The following MEGF9 variants were observed in gnomAD, a reference collection of about 807,000 sequenced individuals.
MEGF9 encodes multiple EGF like domains 9, also known as multiple epidermal growth factor-like domains protein 9.
MEGF9 carries 6 observed loss-of-function variants against 46.8 expected under a neutral mutation model. The observed-to-expected ratio is 0.13, with a 90% CI of 0.07 to 0.25. The LOEUF (loss-of-function observed/expected upper bound fraction) is 0.25. Ranked by LOEUF, MEGF9 falls within the 10% of genes least tolerant of loss-of-function variation. The pLI, the probability that MEGF9 is intolerant of heterozygous loss-of-function variation, is 1.00. For synonymous variants in MEGF9, 302 were observed against 330.7 expected (o/e 0.91, Z 0.94); for missense variants, 683 against 792.4 (o/e 0.86, Z 1.66).
Position 120,612,415 on chromosome 9 carries a change from A to G in MEGF9, c.1068T>C (p.Ser356=), listed in dbSNP as rs2043451753. ...CCTTACTTATAGAGCAGCTGCCTGTAGATGTCACTGCTGAACAAGGGCAGC... is the reference window on the plus strand; with the variant it reads ...CCTTACTTATAGAGCAGCTGCCTGTGGATGTCACTGCTGAACAAGGGCAGC... The part of the protein sequence containing the change: ...CLRCPCSAVT[S]TGSCSIKSSE... The change falls in exon 4 of 6, where the codon TCT becomes TCC. Residue 356 remains serine, a synonymous_variant. Coordinates refer to ENST00000373930, the MANE Select transcript of MEGF9 (RefSeq NM_001080497.3). The G allele has an allele frequency of 6.2e-7, 1 of 1,612,628 alleles. No homozygotes were observed. Among genetic ancestry groups the G allele is most frequent in the Non-Finnish European group, 8.5e-7 (1 of 1,179,384 alleles).
Position 120,605,380 on chromosome 9 carries a change from T to C in MEGF9, c.1619A>G (p.Glu540Gly). 1 of 1,614,026 alleles carries C rather than the reference T, an allele frequency of 6.2e-7. No individual in the cohort carries two copies. Among genetic ancestry groups the C allele is most frequent in the Non-Finnish European group, 8.5e-7 (1 of 1,179,894 alleles). The change falls in exon 6 of 6, where the codon GAG (glutamate) becomes GGG (glycine). Residue 540 changes from glutamate (E) to glycine (G), a missense_variant. Around this residue, in one of 2 missense-constraint regions of MEGF9, gnomAD observed 313 missense variants for 421.1 expected, o/e 0.74. Coordinates refer to ENST00000373930, the MANE Select transcript of MEGF9 (RefSeq NM_001080497.3). The surrounding 1 kb of genome is among the most constrained non-coding windows in gnomAD (Gnocchi z 4.0). ...GGCATTGAGTTTCCGGTTTTGGTAC[T>C]CGCGGTACATATATACAGCCCCCAC... ...GFVGAVYMYREYQNRKLNAPF... is the reference protein window; with the variant it reads ...GFVGAVYMYRGYQNRKLNAPF...
intron 2 of MEGF9, among the ~76,000 whole-genome samples, chr9:120,638,811 C>T (rs2043590013): frequency 6.6e-6 from 1 of 152,052 alleles, no homozygotes; most frequent in Non-Finnish European, 1.5e-5. Flanking sequence ...AGGAATCTGC[C>T]CAAGTATTTT....
At chr9:120,680,977 C>A (rs992624600) in intron 1 of MEGF9, among the ~76,000 whole-genome samples, 1 of 152,066 alleles carries the variant, frequency 6.6e-6, no homozygotes, top group East Asian at 1.9e-4. Context: ...AGAGCCTAGG[C>A]CTAGGCTCCC....
At chr9:120,679,352 T>C (rs1385419948) in intron 1 of MEGF9, among the ~76,000 whole-genome samples, 3 of 151,940 alleles carry the variant, frequency 2.0e-5, no homozygotes, top group Non-Finnish European at 4.4e-5. Flanking sequence ...GAAACCATCA[T>C]TCTGAGCAAA....
At chr9:120,625,833 C>CAAA (rs763605820) in intron 2 of MEGF9, among the ~76,000 whole-genome samples, 142 of 113,066 alleles carry the variant, frequency 1.3e-3, no homozygotes, top group African/African-American at 3.8e-3. Flanking sequence ...CTCTGTCTCA[C>CAAA]AAAAAAAAAA....
At chr9:120,713,522 G>A (rs1001525547) in intron 1 of MEGF9, among the ~76,000 whole-genome samples, 2 of 152,142 alleles carry the variant, frequency 1.3e-5, no homozygotes, top group Non-Finnish European at 2.9e-5. Flanking sequence ...AAGATGAGAT[G>A]CCTTCCACCC....
chr9:120,612,920 C>T (rs983681982), intron 3 of MEGF9, among the ~76,000 whole-genome samples: 2 of 133,686 alleles, frequency 1.5e-5, no homozygotes, highest in African/African-American at 2.7e-5. Flanking sequence ...TGAACATGCA[C>T]AAATCTTTTT....
intron 2 of MEGF9, among the ~76,000 whole-genome samples, chr9:120,640,454 T>C (rs1394131151): frequency 6.6e-6 from 1 of 152,028 alleles, no homozygotes; most frequent in Non-Finnish European, 1.5e-5. Flanking sequence ...ATTATCTCTC[T>C]TCCCATCTAG....
intron 2 of MEGF9, among the ~76,000 whole-genome samples, chr9:120,649,845 G>A (rs2043642057): frequency 6.6e-6 from 1 of 151,138 alleles, no homozygotes; most frequent in Admixed American, 6.6e-5. Context: ...CGATGATGAG[G>A]AGGACTTACT....
chr9:120,685,631 T>C (rs80152817), intron 1 of MEGF9, among the ~76,000 whole-genome samples: 2,390 of 152,326 alleles, frequency 0.016, 58 homozygotes, highest in African/African-American at 0.054. Context: ...TTGGTGGAAG[T>C]GTAAAATGGT....
intron 2 of MEGF9, among the ~76,000 whole-genome samples, chr9:120,625,616 A>C (rs532076330): frequency 3.9e-5 from 6 of 152,160 alleles, no homozygotes; most frequent in Non-Finnish European, 8.8e-5. Flanking sequence ...CGAGTGGATC[A>C]CGAGGGCAGG....
intron 2 of MEGF9, among the ~76,000 whole-genome samples, chr9:120,642,737 C>T (rs971855081): frequency 2.0e-5 from 3 of 152,088 alleles, no homozygotes; most frequent in Non-Finnish European, 4.4e-5. Context: ...CAATTCAAGG[C>T]CAGCAAAAGT....
intron 1 of MEGF9, among the ~76,000 whole-genome samples, chr9:120,694,083 C>G (rs956334269): frequency 1.3e-5 from 2 of 152,070 alleles, no homozygotes; most frequent in Non-Finnish European, 2.9e-5. Flanking sequence ...AAAATAATGA[C>G]TACAAATCAG....
At chr9:120,640,659 A>C (rs1169705691) in intron 2 of MEGF9, among the ~76,000 whole-genome samples, 1 of 151,982 alleles carries the variant, frequency 6.6e-6, no homozygotes, top group Non-Finnish European at 1.5e-5. Context: ...TTTTCATTTC[A>C]GTCCATTTAA....
intron 1 of MEGF9, among the ~76,000 whole-genome samples, chr9:120,693,379 C>G (rs965169320): frequency 2.6e-5 from 4 of 151,880 alleles, no homozygotes; most frequent in Non-Finnish European, 4.4e-5. Flanking sequence ...AAAGCAACAG[C>G]ATCCTGCTGC....
chr9:120,704,421 C>T (rs1205843874), intron 1 of MEGF9, among the ~76,000 whole-genome samples: 1 of 152,034 alleles, frequency 6.6e-6, no homozygotes, highest in Non-Finnish European at 1.5e-5. Context: ...CATTTACTTT[C>T]AGTTACTTCT....
chr9:120,607,653 T>TG, intron 5 of MEGF9, 88 bp downstream of exon 5: 1 of 1,385,760 alleles, frequency 7.2e-7, no homozygotes, highest in Non-Finnish European at 1.0e-6. Context: ...GAAACTCCTC[T>TG]GGTAGGGTTA....
At chr9:120,648,688 A>G (rs923658772) in intron 2 of MEGF9, among the ~76,000 whole-genome samples, 1 of 152,188 alleles carries the variant, frequency 6.6e-6, no homozygotes, top group Non-Finnish European at 1.5e-5. Flanking sequence ...CTAAATTGTT[A>G]ATTGTTTCTA....
intron 2 of MEGF9, among the ~76,000 whole-genome samples, chr9:120,649,133 T>C (rs1264397332): frequency 1.3e-5 from 2 of 152,254 alleles, no homozygotes; most frequent in Non-Finnish European, 2.9e-5. Flanking sequence ...TGTTTTATAC[T>C]GTTTTCTTAA....
Sources: allele counts gnomAD v4.1 joint callset (sites outside exome capture counted in the v4.1 genomes callset), GRCh38; gene constraint gnomAD v4.1.1; regional missense constraint gnomAD v4.1.1; non-coding constraint Gnocchi (gnomAD v3.1); transcripts MANE v1.5; gene names NCBI Gene and HGNC (gene_info 2026-07-23, HGNC 2026-07-21).